The following CCDC136 variants were observed in gnomAD, a reference collection of about 807,000 sequenced individuals.
CCDC136 encodes coiled-coil domain-containing protein 136.
CCDC136 carries 100 observed loss-of-function variants against 141.2 expected under a neutral mutation model. That is an observed-to-expected ratio of 0.71 (90% CI 0.60 to 0.84). The LOEUF is 0.84. Among genes scored for constraint, CCDC136 ranks in the 40% least tolerant of loss-of-function variants. The pLI, the probability that CCDC136 is intolerant of heterozygous loss-of-function variation, is 0.00. For missense variants in CCDC136, 1,206 were observed against 1,379.4 expected (o/e 0.87, Z 1.99); for synonymous variants, 474 against 531.9 (o/e 0.89, Z 1.50).
chr7:128,799,918 AC>A (rs1803734804), intron 3 of CCDC136, among the ~76,000 whole-genome samples: 1 of 152,252 alleles, frequency 6.6e-6, no homozygotes. Context: ...CTCCATAGAT[AC>A]AGAGAACTCT....
At chr7:128,802,326 G>A (rs1330738595) in intron 4 of CCDC136, among the ~76,000 whole-genome samples, 1 of 152,098 alleles carries the variant, frequency 6.6e-6, no homozygotes, top group Non-Finnish European at 1.5e-5. Context: ...ATTTGGCCAG[G>A]TCAAGCAGAG....
chr7:128,815,881 C>G lies in CCDC136; in HGVS notation c.3313C>G (p.Leu1105Val). 1 of 1,613,774 alleles carries G rather than the reference C, an allele frequency of 6.2e-7. No individual in the cohort carries two copies. Among genetic ancestry groups the G allele is most frequent in the South Asian group, 1.1e-5 (1 of 91,022 alleles). ...EEEEDDADSS[L>V]ESPEENNPLR... ...GGAGGAGGATGACGCCGACTCTTCC[C>G]TTGAAAGTCCCGAAGAAAATAACCC... Residue 1105 changes from leucine to valine, a missense_variant, in exon 16 of 18, where the codon CTT becomes GTT. By Grantham distance (32) the Leu-to-Val change is conservative. Coordinates refer to ENST00000297788, the MANE Select transcript of CCDC136 (RefSeq NM_022742.5).
intron 4 of CCDC136, among the ~76,000 whole-genome samples, chr7:128,804,157 A>T (rs1007798214): frequency 5.3e-5 from 8 of 152,228 alleles, no homozygotes; most frequent in African/African-American, 9.6e-5. Context: ...TTGGTGTGGG[A>T]ATAAAGAACA....
At chr7:128,818,445 G>A (rs557495419) in intron 17 of CCDC136, among the ~76,000 whole-genome samples, 5 of 152,334 alleles carry the variant, frequency 3.3e-5, no homozygotes, top group Non-Finnish European at 4.4e-5. Flanking sequence ...AAATGGAACC[G>A]AACCCCTACT....
rs557490042 is a variant in CCDC136 at position 128,819,836 on chromosome 7, C to A, written c.*6-1963C>A. Among the ~76,000 whole-genome samples the A allele has an allele frequency of 1.1e-3, 166 of 152,294 alleles. 2 individuals are homozygous for A. The highest frequency in any genetic ancestry group is 3.6e-3 in the African/African-American group (151 of 41,548). On this transcript the variant is annotated intron_variant, in intron 17 of 17. Transcript: ENST00000297788. Reference sequence around the variant, plus strand: ...TCTTCATTGGTCCCAAGTAGGAAGACACCATACTTGTGTTTAGGCAACCTC... The same window carrying A: ...TCTTCATTGGTCCCAAGTAGGAAGAAACCATACTTGTGTTTAGGCAACCTC...
Position 128,804,777 on chromosome 7 carries a change from G to T in CCDC136, c.782+16G>T. 2.0e-6 allele frequency: 3 copies of T among 1,496,112 alleles called. No individual in the cohort carries two copies. Among genetic ancestry groups the T allele is most frequent in the Non-Finnish European group, 2.8e-6 (3 of 1,087,538 alleles). The allele number at this position is 1,496,112 out of a possible 1,614,324, so 92.7% of individuals were successfully genotyped here. ...AGAGTGAGAGGTACAGCTGTCTCTG[G>T]AGAGTGAGAGGTCATGGGGTTCCAC... On this transcript the variant is annotated intron_variant, in intron 5 of 17. Coordinates refer to ENST00000297788, the MANE Select transcript of CCDC136 (RefSeq NM_022742.5).
upstream of CCDC136, chr7:128,791,738 G>A: frequency 2.4e-6 from 1 of 423,386 alleles, no homozygotes; most frequent in Non-Finnish European, 4.0e-6. The surrounding 1 kb of genome is among the most constrained non-coding windows in gnomAD (Gnocchi z 7.1). Context: ...TGAGGCTTCC[G>A]CGCACCGGCC....
rs371406451 is a variant in CCDC136, at chr7:128,814,817, G to A, written c.2943G>A (p.Lys981=). Residue 981 remains lysine (K), a synonymous_variant, in exon 15 of 18, where the codon AAG becomes AAA. Transcript: ENST00000297788. The stretch of plus-strand genomic sequence containing the variant: ...CTGTTGTCAAAGAAGCCCGGGGGAA[G>A]AATGCTAATAAGAACATGAACAAGA... ...RPSVVKEARG[K]NANKNMNKNA... 12 of 1,611,580 alleles carry A rather than the reference G, an allele frequency of 7.4e-6. No individual in the cohort carries two copies. Among genetic ancestry groups the A allele is most frequent in the African/African-American group, 1.3e-5 (1 of 74,890 alleles).
At chr7:128,814,564 A>C in intron 14 of CCDC136, 74 bp from the exon 15 acceptor site, 1 of 1,241,158 alleles carries the variant, frequency 8.1e-7, no homozygotes, top group Non-Finnish European at 1.1e-6. Flanking sequence ...AGCAGGGCTG[A>C]GTTTGGTTGC....
Position 128,817,780 on chromosome 7 carries a change from C to G in CCDC136, c.3386C>G (p.Pro1129Arg), listed in dbSNP as rs199887952. 112 of 1,613,784 alleles carry G rather than the reference C, an allele frequency of 6.9e-5. No homozygotes were observed. The highest frequency in any genetic ancestry group is 9.4e-5 in the Non-Finnish European group (111 of 1,179,838). Residue 1129 changes from proline to arginine, a missense_variant, in exon 17 of 18, where the codon CCC (proline) becomes CGC (arginine). Pro to Arg is a moderately radical substitution (Grantham distance 103). Coordinates refer to ENST00000297788, the MANE Select transcript of CCDC136 (RefSeq NM_022742.5). The surrounding 1 kb of genome is among the most constrained non-coding windows in gnomAD (Gnocchi z 4.6). The stretch of plus-strand genomic sequence containing the variant: ...CAGTCATCCCCTACCCCCAATCCCC[C>G]CATCTTCTCCTTGCCTCTTGTAGGC... ...SKKSSPTPNP[P>R]IFSLPLVGLV...
chr7:128,803,513 T>C (rs1804359018), intron 4 of CCDC136, among the ~76,000 whole-genome samples: 1 of 151,912 alleles, frequency 6.6e-6, no homozygotes, highest in South Asian at 2.1e-4. Context: ...TTAGCCAGGC[T>C]TGGTGGTGTG....
rs1435695933 is a variant in CCDC136 at position 128,817,814 on chromosome 7, C to T, written c.3420C>T (p.Val1140=). The change falls in exon 17 of 18, where the codon GTC becomes GTT. Residue 1140 remains valine (V), a synonymous_variant. Transcript: ENST00000297788. The surrounding 1 kb of genome is among the most constrained non-coding windows in gnomAD (Gnocchi z 4.6). Reference sequence around the variant, plus strand: ...CCTTGCCTCTTGTAGGCCTGGTGGTCATCTCGGCTTTGCTCTGGTGCTGGT... The same window carrying T: ...CCTTGCCTCTTGTAGGCCTGGTGGTTATCTCGGCTTTGCTCTGGTGCTGGT... ...IFSLPLVGLV[V]ISALLWCWWA... 1.9e-6 allele frequency: 3 copies of T among 1,613,926 alleles called. No individual in the cohort carries two copies. The highest frequency in any genetic ancestry group is 2.5e-6 in the Non-Finnish European group (3 of 1,179,876).
intron 10 of CCDC136, 45 bp downstream of exon 10, chr7:128,807,590 A>G (rs1194995841): frequency 1.9e-5 from 24 of 1,289,084 alleles, no homozygotes; most frequent in South Asian, 8.6e-5. Context: ...CACTTGCTCC[A>G]GAGAGAAGAG....
At chr7:128,807,056 T>C (rs1005960190) in intron 9 of CCDC136, among the ~76,000 whole-genome samples, 198 bp downstream of exon 9, 2 of 152,114 alleles carry the variant, frequency 1.3e-5, no homozygotes, top group Non-Finnish European at 2.9e-5. Flanking sequence ...AAAAGCAGCA[T>C]ATAAAAAGGA....
In CCDC136 at chr7:128,817,060, C is replaced by T. The variant is rs1209502612; in HGVS notation, c.3364-698C>T. On this transcript the variant is annotated intron_variant, in intron 16 of 17. Transcript: ENST00000297788. This position sits in a 1 kb window ranked among gnomAD's most constrained non-coding sequence, Gnocchi z 4.6. ...AGAGCCTCACAGATGTCTTTACCTT[C>T]GGTGCCACATTTCTAAAGCTAGACC... is the stretch of plus-strand genomic sequence containing the variant. Among the ~76,000 whole-genome samples the T allele has an allele frequency of 1.3e-5, 2 of 152,196 alleles. No individual in the cohort carries two copies. The highest frequency in any genetic ancestry group is 1.9e-4 in the East Asian group (1 of 5,200).
Position 128,806,352 on chromosome 7 carries a change from T to C in CCDC136, c.1205T>C (p.Leu402Pro), listed in dbSNP as rs1171095415. Residue 402 changes from leucine to proline, a missense_variant, in exon 8 of 18, where the codon CTC (leucine) becomes CCC (proline). By Grantham distance (98) the Leu-to-Pro change is moderately conservative. Coordinates refer to ENST00000297788, the MANE Select transcript of CCDC136 (RefSeq NM_022742.5). ...QLQLQTELRQLKVMKSTLVEN... is the reference protein window; with the variant it reads ...QLQLQTELRQPKVMKSTLVEN... ...CAACTTCAGACTGAGCTCCGGCAGC[T>C]CAAAGTCATGAAATCCACACTTGTA... The C allele has an allele frequency of 1.9e-6, 3 of 1,604,020 alleles. No homozygotes were observed. Among genetic ancestry groups the C allele is most frequent in the Non-Finnish European group, 2.6e-6 (3 of 1,175,410 alleles).
chr7:128,809,854 A>G (rs1805447501), intron 11 of CCDC136, among the ~76,000 whole-genome samples: 1 of 152,236 alleles, frequency 6.6e-6, no homozygotes, highest in African/African-American at 2.4e-5. Context: ...TACCTTTTAT[A>G]CTCAGGAATC....
At chr7:128,814,606 A>T in intron 14 of CCDC136, 32 bp from the exon 15 acceptor site, 1 of 1,510,838 alleles carries the variant, frequency 6.6e-7, no homozygotes, top group Non-Finnish European at 8.8e-7. Context: ...TAACCAGCCA[A>T]CTCTGGGTAA....
rs1802246803 is a variant in CCDC136, at chr7:128,792,018, G to A, written c.-394G>A. On this transcript the variant is annotated 5_prime_UTR_variant, in exon 1 of 18. Coordinates refer to ENST00000297788, the MANE Select transcript of CCDC136 (RefSeq NM_022742.5). ...TTCAGCCTCTTCTTCACTGGCTCCC[G>A]CCCTCTTTCAGTCTTGGCCCTCTCC... is the stretch of plus-strand genomic sequence containing the variant. 2.5e-6 allele frequency: 3 copies of A among 1,180,756 alleles called. No individual in the cohort carries two copies. Among genetic ancestry groups the A allele is most frequent in the African/African-American group, 1.6e-5 (1 of 62,166 alleles). The allele number at this position is 1,180,756 out of a possible 1,614,324, so 73.1% of individuals were successfully genotyped here. A position where few individuals can be genotyped will look rare whatever the true frequency, so the allele number is the denominator to read the frequency against.
Sources: allele counts gnomAD v4.1 joint callset (sites outside exome capture counted in the v4.1 genomes callset), GRCh38; gene constraint gnomAD v4.1.1; non-coding constraint Gnocchi (gnomAD v3.1); transcripts MANE v1.5; gene names NCBI Gene and HGNC (gene_info 2026-07-23, HGNC 2026-07-21).